B3GALT1: variants seen among roughly 807,000 people sequenced by gnomAD.
B3GALT1 encodes beta-1,3-galactosyltransferase 1.
Under a neutral mutation model 23.2 loss-of-function variants are expected in B3GALT1, and 10 were observed. The observed-to-expected ratio is 0.43, with a 90% CI of 0.27 to 0.73. The LOEUF (loss-of-function observed/expected upper bound fraction) is 0.73, where lower values mean the gene tolerates loss of function less well. B3GALT1 is among the 30% of genes least tolerant of loss of function. B3GALT1 has a pLI of 0.21. For synonymous variants in B3GALT1, 156 were observed against 141.5 expected, an observed-to-expected ratio of 1.10 and a Z score of -0.73; for missense variants, 299 against 405.4, an observed-to-expected ratio of 0.74 and a Z score of 2.25.
At chr2:167,759,031 C>A (rs1687861534) in intron 3 of B3GALT1, among the ~76,000 whole-genome samples, 1 of 152,192 alleles carries the variant, frequency 6.6e-6, no homozygotes, top group Non-Finnish European at 1.5e-5. Context: ...GGGGGCTGGC[C>A]CTTTGCTTTA....
At chr2:167,863,010 G>A (rs1690134465) in intron 4 of B3GALT1, among the ~76,000 whole-genome samples, 2 of 152,304 alleles carry the variant, frequency 1.3e-5, no homozygotes, top group East Asian at 1.9e-4. Context: ...TGTCATCAGT[G>A]TCTGTGGCTG....
rs187960474 is a variant in B3GALT1 at position 167,355,575 on chromosome 2, A to G, written c.-511+62241A>G. On this transcript the variant is annotated intron_variant, in intron 1 of 4. Coordinates refer to ENST00000392690, the MANE Select transcript of B3GALT1 (RefSeq NM_020981.4). ...GGCTATTTAAATATAGTGCCATTGTATATACTCTCCTAGATTTATTGTTCA... is the reference window on the plus strand; with the variant it reads ...GGCTATTTAAATATAGTGCCATTGTGTATACTCTCCTAGATTTATTGTTCA... Among the ~76,000 whole-genome samples, 8 of 152,296 alleles carry G rather than the reference A, an allele frequency of 5.3e-5. No individual in the cohort carries two copies. The East Asian group carries it at 1.2e-3, about 22-fold the overall frequency.
chr2:167,344,397 C>T (rs1258655340), intron 1 of B3GALT1, among the ~76,000 whole-genome samples: 1 of 152,030 alleles, frequency 6.6e-6, no homozygotes, highest in Non-Finnish European at 1.5e-5. Context: ...TTATTTTGAT[C>T]ATGAGCTCAT....
intron 1 of B3GALT1, among the ~76,000 whole-genome samples, chr2:167,333,655 G>T (rs1697011159): frequency 6.6e-6 from 1 of 152,008 alleles, no homozygotes; most frequent in Admixed American, 6.6e-5. Flanking sequence ...ATAAGTAACA[G>T]GATAAAGCAT....
intron 2 of B3GALT1, among the ~76,000 whole-genome samples, chr2:167,530,146 G>T (rs1332435817): frequency 4.2e-5 from 6 of 144,546 alleles, no homozygotes; most frequent in Admixed American, 1.4e-4. Flanking sequence ...TCTTCCTTCA[G>T]ATATTAGCAG....
intron 3 of B3GALT1, among the ~76,000 whole-genome samples, chr2:167,657,717 G>A (rs1685979480): frequency 1.3e-5 from 2 of 152,018 alleles, no homozygotes; most frequent in Admixed American, 1.3e-4. Flanking sequence ...GTACTGTGGT[G>A]TGTAAGGTTT....
chr2:167,299,706 T>C (rs1383402703), intron 1 of B3GALT1, among the ~76,000 whole-genome samples: 1 of 152,030 alleles, frequency 6.6e-6, no homozygotes, highest in Non-Finnish European at 1.5e-5. Context: ...AGATAATCTT[T>C]AGCTGACTAA....
At chr2:167,395,224 C>G (rs1199223115) in intron 1 of B3GALT1, among the ~76,000 whole-genome samples, 2 of 151,982 alleles carry the variant, frequency 1.3e-5, no homozygotes, top group Non-Finnish European at 2.9e-5. Context: ...TGTTCATGTT[C>G]TAGATCCTGA....
intron 2 of B3GALT1, among the ~76,000 whole-genome samples, chr2:167,539,688 G>A (rs1438251792): frequency 1.3e-5 from 2 of 152,104 alleles, no homozygotes; most frequent in East Asian, 1.9e-4. Context: ...CTCTGTTTTA[G>A]TTAACTAAAA....
chr2:167,432,163 G>C, intron 1 of B3GALT1, among the ~76,000 whole-genome samples: 1 of 152,118 alleles, frequency 6.6e-6, no homozygotes, highest in Non-Finnish European at 1.5e-5. Flanking sequence ...AGGGGCGCCG[G>C]ATCTGGGGAC....
At chr2:167,663,229 G>A (rs1025120680) in intron 3 of B3GALT1, among the ~76,000 whole-genome samples, 6 of 150,820 alleles carry the variant, frequency 4.0e-5, no homozygotes, top group Admixed American at 1.3e-4. Context: ...TTGTTCTTGC[G>A]ATAGTTTACT....
intron 3 of B3GALT1, among the ~76,000 whole-genome samples, chr2:167,654,878 C>T (rs1229669086): frequency 2.0e-5 from 3 of 151,546 alleles, no homozygotes; most frequent in Non-Finnish European, 2.9e-5. Flanking sequence ...TTTATAGTCC[C>T]TCTCCCCCAG....
chr2:167,476,635 G>A (rs1246128699), intron 1 of B3GALT1, among the ~76,000 whole-genome samples: 1 of 151,988 alleles, frequency 6.6e-6, no homozygotes, highest in Non-Finnish European at 1.5e-5. Context: ...TATTGAATCT[G>A]TACTCACCCA....
chr2:167,303,682 C>CACACACACAGAGAG (rs535369991), intron 1 of B3GALT1, among the ~76,000 whole-genome samples: 2,086 of 148,628 alleles, frequency 0.014, 18 homozygotes, highest in East Asian at 0.039. Context: ...CACACACACA[C>CACACACACAGAGAG]AGAGAGAGAC....
In B3GALT1 at chr2:167,362,751, G is replaced by C. The variant is rs552542421; in HGVS notation, c.-511+69417G>C. ...AATAAAATGGTGCTCTGAGTAAAAC[G>C]CATGTTGTGTGCAAAGTTCTAAATT... On this transcript the variant is annotated intron_variant, in intron 1 of 4. Transcript: ENST00000392690. Among the ~76,000 whole-genome samples, 100 of 152,178 alleles carry C rather than the reference G, an allele frequency of 6.6e-4. 1 individual carries two copies. The highest frequency in any genetic ancestry group is 1.3e-3 in the Non-Finnish European group (89 of 68,012).
chr2:167,792,347 G>A (rs1688451834), intron 3 of B3GALT1, among the ~76,000 whole-genome samples: 1 of 152,102 alleles, frequency 6.6e-6, no homozygotes, highest in African/African-American at 2.4e-5. Flanking sequence ...GTAAGTCATG[G>A]CCCCTGGCTC....
chr2:167,568,207 G>A (rs1325541198), intron 2 of B3GALT1, among the ~76,000 whole-genome samples: 1 of 152,006 alleles, frequency 6.6e-6, no homozygotes, highest in Non-Finnish European at 1.5e-5. Context: ...GTGGATATTA[G>A]TTTTCAACTT....
intron 3 of B3GALT1, among the ~76,000 whole-genome samples, chr2:167,716,304 C>T (rs1283360781): frequency 1.3e-5 from 2 of 152,116 alleles, no homozygotes; most frequent in Admixed American, 6.5e-5. Context: ...CCTGAGGCAG[C>T]GCTGGTCCGA....
chr2:167,588,377 A>T (rs1050651527), intron 2 of B3GALT1, among the ~76,000 whole-genome samples: 5 of 152,238 alleles, frequency 3.3e-5, no homozygotes, highest in Non-Finnish European at 7.3e-5. Context: ...CCACATTTGC[A>T]TAATTGCCAA....
Sources: allele counts gnomAD v4.1 joint callset (sites outside exome capture counted in the v4.1 genomes callset), GRCh38; gene constraint gnomAD v4.1.1; transcripts MANE v1.5; gene names NCBI Gene and HGNC (gene_info 2026-07-23, HGNC 2026-07-21).